The following NBEA variants were observed in gnomAD, a reference collection of about 807,000 sequenced individuals.
NBEA encodes the protein lysosomal-trafficking regulator 2.
NBEA carries 44 observed loss-of-function variants against 343.4 expected under a neutral mutation model. That is an observed-to-expected ratio of 0.13 (90% confidence interval 0.10 to 0.16). The LOEUF is 0.16. Among genes scored for constraint, NBEA ranks in the 10% least tolerant of loss-of-function variants. The pLI is 1.00. For missense variants in NBEA, 2,555 were observed against 3,631.3 expected (o/e 0.70, Z 7.62); for synonymous variants, 1,175 against 1,238.7 (o/e 0.95, Z 1.08).
At chr13:34,972,563 C>T (rs915791676) in intron 1 of NBEA, among the ~76,000 whole-genome samples, 2 of 152,144 alleles carry the variant, frequency 1.3e-5, no homozygotes, top group African/African-American at 4.8e-5. Flanking sequence ...GTCTTGATTT[C>T]AGCTTTAATT....
Position 35,335,422 on chromosome 13 carries a change from A to G in NBEA, c.5904-13686A>G, listed in dbSNP as rs116308193. Among the ~76,000 whole-genome samples the G allele has an allele frequency of 2.0e-3, 311 of 152,202 alleles. 2 individuals are homozygous for G. Among genetic ancestry groups the G allele is most frequent in the African/African-American group, 7.1e-3 (295 of 41,560 alleles). On this transcript the variant is annotated intron_variant, in intron 36 of 58. Transcript: ENST00000379939. ...GATGGGGACTGCATTGAATCTGTAG[A>G]TTGCTCTGGATAGTATGGTCATTTT...
chr13:35,100,556 AC>A lies in NBEA; in HGVS notation c.1680+2155del, dbSNP rs1566284970. Among the ~76,000 whole-genome samples the A allele has an allele frequency of 7.9e-5, 12 of 152,068 alleles. No individual in the cohort carries two copies. In the South Asian group the frequency reaches 2.1e-3, roughly 26 times the overall value. On this transcript the variant is annotated intron_variant, in intron 11 of 58. Transcript: ENST00000379939. ...TGTGACAGGATTTCTGTGAGGACTT[AC>A]CCCGTTAAATAATTTGCTTTCATTT...
At chr13:35,333,947 G>A (rs948442225) in intron 36 of NBEA, among the ~76,000 whole-genome samples, 2 of 151,880 alleles carry the variant, frequency 1.3e-5, no homozygotes, top group South Asian at 2.1e-4. Context: ...TTCATCTGTT[G>A]TTGGACATTT....
chr13:34,990,279 G>A (rs1312341717), intron 1 of NBEA, among the ~76,000 whole-genome samples: 2 of 151,184 alleles, frequency 1.3e-5, no homozygotes, highest in Admixed American at 1.3e-4. Context: ...ACACTGCTTA[G>A]TAGATTCTCC....
intron 8 of NBEA, among the ~76,000 whole-genome samples, chr13:35,062,418 A>G (rs2063500471): frequency 6.6e-6 from 1 of 151,736 alleles, no homozygotes; most frequent in South Asian, 2.1e-4. Context: ...AAAGCCAGAA[A>G]AAATATTTGA....
intron 2 of NBEA, among the ~76,000 whole-genome samples, chr13:35,044,115 G>A (rs1269950633): frequency 6.6e-6 from 1 of 152,126 alleles, no homozygotes; most frequent in Non-Finnish European, 1.5e-5. Flanking sequence ...GTGTGCTGGT[G>A]TGTCTGTTAT....
intron 1 of NBEA, among the ~76,000 whole-genome samples, chr13:34,957,574 A>G (rs2059537442): frequency 1.3e-5 from 2 of 152,192 alleles, no homozygotes; most frequent in South Asian, 2.1e-4. Context: ...GATTGTAAAC[A>G]TGTTACATTA....
intron 35 of NBEA, among the ~76,000 whole-genome samples, chr13:35,298,563 G>A (rs2036316532): frequency 6.6e-6 from 1 of 151,778 alleles, no homozygotes; most frequent in South Asian, 2.1e-4. Context: ...ATAAACATGA[G>A]TGTTGTATAT....
intron 6 of NBEA, among the ~76,000 whole-genome samples, chr13:35,053,409 C>T (rs1415290849): frequency 6.6e-6 from 1 of 152,058 alleles, no homozygotes; most frequent in African/African-American, 2.4e-5. Flanking sequence ...TTTCATCCTT[C>T]AAGCTTAGTC....
At chr13:35,032,040 C>T (rs962748513) in intron 1 of NBEA, among the ~76,000 whole-genome samples, 3 of 151,694 alleles carry the variant, frequency 2.0e-5, no homozygotes, top group Non-Finnish European at 4.4e-5. Flanking sequence ...TTTCTTTATC[C>T]ATTCTGTCAT....
chr13:35,504,349 C>G (rs1288634009), intron 41 of NBEA, among the ~76,000 whole-genome samples: 2 of 152,138 alleles, frequency 1.3e-5, no homozygotes, highest in Admixed American at 1.3e-4. Context: ...TAATACACAT[C>G]TAACCAGTTC....
chr13:35,290,492 T>G, intron 35 of NBEA, 42 bp downstream of exon 35: 4 of 1,409,352 alleles, frequency 2.8e-6, no homozygotes, highest in Non-Finnish European at 4.0e-6. Flanking sequence ...TATATGAGGG[T>G]TTTTTGTGAC....
intron 35 of NBEA, among the ~76,000 whole-genome samples, chr13:35,305,774 GT>G (rs1164738568): frequency 2.0e-5 from 3 of 152,122 alleles, no homozygotes; most frequent in African/African-American, 2.4e-5. Flanking sequence ...ACATAAACTT[GT>G]TTCTCCTGTT....
chr13:35,360,832 A>G (rs921249551), intron 38 of NBEA, among the ~76,000 whole-genome samples: 11 of 152,014 alleles, frequency 7.2e-5, no homozygotes, highest in Non-Finnish European at 1.6e-4. Flanking sequence ...GGAAAAATTA[A>G]CAGAGCTTCA....
At chr13:35,222,634 AAAAT>A (rs2074432132) in intron 33 of NBEA, among the ~76,000 whole-genome samples, 2 of 152,122 alleles carry the variant, frequency 1.3e-5, no homozygotes, top group African/African-American at 2.4e-5. Context: ...TAAAATGCTT[AAAAT>A]AAAAGACAAC....
At chr13:35,381,274 G>C (rs2041999239) in intron 38 of NBEA, among the ~76,000 whole-genome samples, 1 of 152,130 alleles carries the variant, frequency 6.6e-6, no homozygotes, top group Non-Finnish European at 1.5e-5. Flanking sequence ...ATCCAAATTA[G>C]TGCCATTAAA....
intron 38 of NBEA, among the ~76,000 whole-genome samples, chr13:35,391,333 T>A (rs555586384): frequency 3.3e-5 from 5 of 151,860 alleles, no homozygotes; most frequent in Non-Finnish European, 7.4e-5. Context: ...TTTCTAGAGA[T>A]AATAACTCAC....
intron 41 of NBEA, among the ~76,000 whole-genome samples, chr13:35,509,498 G>A (rs2077194085): frequency 6.6e-6 from 1 of 152,122 alleles, no homozygotes; most frequent in Non-Finnish European, 1.5e-5. Context: ...TCCATTTGAA[G>A]GAAATGGCAA....
chr13:35,192,197 G>A (rs2072252313), intron 30 of NBEA, among the ~76,000 whole-genome samples: 1 of 151,942 alleles, frequency 6.6e-6, no homozygotes, highest in Admixed American at 6.6e-5. Context: ...TGCAGTTCAT[G>A]CCTAACTTCC....
Sources: gnomAD v4.1 joint callset for allele counts (sites outside exome capture counted in the v4.1 genomes callset) on GRCh38, gnomAD v4.1.1 for gene constraint, MANE v1.5 for transcripts, NCBI Gene and HGNC (gene_info 2026-07-23, HGNC 2026-07-21) for gene names.